Variants in GPR176 observed in about 807,000 individuals in gnomAD.
GPR176 encodes the protein G-protein coupled receptor 176.
Under a neutral mutation model 35.4 loss-of-function variants are expected in GPR176, and 26 were observed. That is an observed-to-expected ratio of 0.74 (90% CI 0.54 to 1.02). The LOEUF is 1.02. Among genes scored for constraint, GPR176 ranks in the 50% least tolerant of loss-of-function variants. The pLI is 0.00. For missense variants in GPR176, 597 were observed against 665.3 expected (o/e 0.90, Z 1.13); for synonymous variants, 278 against 271.3 (o/e 1.02, Z -0.24).
chr15:39,899,218 C>T (rs972896546), intron 1 of GPR176, among the ~76,000 whole-genome samples: 1 of 152,192 alleles, frequency 6.6e-6, no homozygotes, highest in African/African-American at 2.4e-5. Flanking sequence ...ACCAATCATA[C>T]CAGCCAGTCC....
At chr15:39,909,156 C>T (rs1031938733) in intron 1 of GPR176, among the ~76,000 whole-genome samples, 1 of 152,178 alleles carries the variant, frequency 6.6e-6, no homozygotes, top group Non-Finnish European at 1.5e-5. Context: ...TTCTGCCCAA[C>T]AGATGTTCCC....
chr15:39,911,949 C>A (rs889133111), intron 1 of GPR176, among the ~76,000 whole-genome samples: 7 of 152,124 alleles, frequency 4.6e-5, no homozygotes, highest in Admixed American at 3.3e-4. Context: ...TTTTAAAATA[C>A]TTTAATACAC....
intron 1 of GPR176, chr15:39,815,182 G>C (rs774904050): frequency 6.6e-6 from 1 of 152,328 alleles, no homozygotes; most frequent in Non-Finnish European, 1.5e-5. Flanking sequence ...ACATGGAGCT[G>C]TGTGTAGAGG....
chr15:39,829,671 A>G (rs572213822), intron 1 of GPR176, among the ~76,000 whole-genome samples: 1 of 152,242 alleles, frequency 6.6e-6, no homozygotes, highest in South Asian at 2.1e-4. Flanking sequence ...CTGTCTTTAC[A>G]GTTCCAATCT....
At chr15:39,867,610 G>T (rs2031881948) in intron 1 of GPR176, among the ~76,000 whole-genome samples, 1 of 152,164 alleles carries the variant, frequency 6.6e-6, no homozygotes, top group Non-Finnish European at 1.5e-5. Flanking sequence ...CAGATGCGGG[G>T]TGGGGAGGAT....
intron 1 of GPR176, among the ~76,000 whole-genome samples, chr15:39,870,404 G>A (rs17719200): frequency 0.27 from 40,779 of 152,116 alleles, 6,081 homozygotes; most frequent in Non-Finnish European, 0.34. Flanking sequence ...TTCCCTTCAA[G>A]AGAGCAGCAA....
At chr15:39,880,193 C>T (rs78214012) in intron 1 of GPR176, among the ~76,000 whole-genome samples, 4,431 of 152,280 alleles carry the variant, frequency 0.029, 233 homozygotes, top group African/African-American at 0.1. Flanking sequence ...TGGACCCCCA[C>T]CACTCTTTTG....
chr15:39,803,911 A>G (rs1427153563), intron 2 of GPR176, among the ~76,000 whole-genome samples: 1 of 152,240 alleles, frequency 6.6e-6, no homozygotes, highest in Non-Finnish European at 1.5e-5. Flanking sequence ...AGGAGGGAGC[A>G]TGGTAAGATA....
chr15:39,886,007 G>A (rs1309333295), intron 1 of GPR176, among the ~76,000 whole-genome samples: 1 of 152,190 alleles, frequency 6.6e-6, no homozygotes, highest in Admixed American at 6.5e-5. Context: ...GCCAAGGTGG[G>A]TGGATCACCT....
At position 39,801,404 on chromosome 15, in the gene GPR176, T is replaced by G; in HGVS notation, c.1276A>C (p.Ser426Arg). The change falls in exon 3 of 3, where the codon AGC (serine) becomes CGC (arginine). Residue 426 changes from serine to arginine, a missense_variant. By Grantham distance (110) the Ser-to-Arg change is moderately radical. This residue lies in a region of GPR176 where 251 missense variants were observed against 255.4 expected (regional missense o/e 0.98). Coordinates refer to ENST00000561100, the MANE Select transcript of GPR176 (RefSeq NM_007223.3). ...PQFAPSAPPLSTVDSVSQVAP... is the reference protein window; with the variant it reads ...PQFAPSAPPLRTVDSVSQVAP... Reference sequence around the variant, plus strand: ...ACCTGGGATACAGAGTCCACTGTGCTCAGGGGTGGGGCAGAGGGCGCAAAC... The same window carrying G: ...ACCTGGGATACAGAGTCCACTGTGCGCAGGGGTGGGGCAGAGGGCGCAAAC... The G allele has an allele frequency of 1.2e-6, 2 of 1,614,204 alleles. No homozygotes were observed. The highest frequency in any genetic ancestry group is 8.5e-7 in the Non-Finnish European group (1 of 1,180,028).
chr15:39,857,444 A>G (rs1425233648), intron 1 of GPR176, among the ~76,000 whole-genome samples: 1 of 152,188 alleles, frequency 6.6e-6, no homozygotes, highest in Non-Finnish European at 1.5e-5. Context: ...TGGGAGGTTG[A>G]GGACTGCTTG....
At chr15:39,807,715 T>G in intron 1 of GPR176, 1 of 612,606 alleles carries the variant, frequency 1.6e-6, no homozygotes, top group Non-Finnish European at 2.9e-6. Flanking sequence ...AGGTGAGATT[T>G]TAATAATATT....
At chr15:39,869,556 T>C (rs1431890785) in intron 1 of GPR176, among the ~76,000 whole-genome samples, 2 of 152,200 alleles carry the variant, frequency 1.3e-5, no homozygotes, top group East Asian at 1.9e-4. Context: ...GGCCAAATTG[T>C]ACTTCTCCAT....
chr15:39,917,916 G>A (rs2033768989), intron 1 of GPR176, among the ~76,000 whole-genome samples: 1 of 151,824 alleles, frequency 6.6e-6, no homozygotes, highest in Non-Finnish European at 1.5e-5. Context: ...GTGGTGGTGG[G>A]TGCCTGTAAT....
At chr15:39,903,225 T>A (rs765763630) in intron 1 of GPR176, among the ~76,000 whole-genome samples, 1 of 152,156 alleles carries the variant, frequency 6.6e-6, no homozygotes, top group Non-Finnish European at 1.5e-5. Context: ...GGACACCTCA[T>A]CATAAGTCAA....
At chr15:39,835,656 G>A (rs1233975789) in intron 1 of GPR176, among the ~76,000 whole-genome samples, 1 of 152,188 alleles carries the variant, frequency 6.6e-6, no homozygotes, top group Non-Finnish European at 1.5e-5. Context: ...AAGGGATGAA[G>A]AAGCTGGAGA....
chr15:39,808,218 A>C (rs900834705), intron 1 of GPR176, among the ~76,000 whole-genome samples: 3 of 151,494 alleles, frequency 2.0e-5, no homozygotes, highest in Admixed American at 2.0e-4. Flanking sequence ...TTTCCCCTCA[A>C]CTCCAGAATC....
chr15:39,811,642 T>A (rs150512996), intron 1 of GPR176, among the ~76,000 whole-genome samples: 2 of 151,980 alleles, frequency 1.3e-5, no homozygotes, highest in Non-Finnish European at 2.9e-5. Context: ...AGATTCGGGG[T>A]GTGGTGGCTC....
chr15:39,890,453 T>C (rs2032829339), intron 1 of GPR176, among the ~76,000 whole-genome samples: 1 of 152,006 alleles, frequency 6.6e-6, no homozygotes, highest in Admixed American at 6.5e-5. Context: ...CAGAGGTGAA[T>C]GGAAGGCTGA....
Sources: gnomAD v4.1 joint callset for allele counts (sites outside exome capture counted in the v4.1 genomes callset) on GRCh38, gnomAD v4.1.1 for gene constraint, gnomAD v4.1.1 regional missense constraint, MANE v1.5 for transcripts, NCBI Gene and HGNC (gene_info 2026-07-23, HGNC 2026-07-21) for gene names.